Variants in ACAP2 observed in about 807,000 individuals in gnomAD.
ACAP2 encodes the protein arf-GAP with coiled-coil, ANK repeat and PH domain-containing protein 2.
Under a neutral mutation model 115.8 loss-of-function variants are expected in ACAP2, and 39 were observed. The ratio of observed to expected loss-of-function variants is 0.34; its 90% CI spans 0.26 to 0.44. The LOEUF is 0.44. ACAP2 is among the 20% of genes least tolerant of loss of function. The pLI is 1.00. For synonymous variants in ACAP2, 289 were observed against 315.8 expected (o/e 0.92, Z 0.90); for missense variants, 662 against 927.6 (o/e 0.71, Z 3.72).
At chr3:195,295,630 G>T in intron 17 of ACAP2, 78 bp downstream of exon 17, 1 of 1,472,456 alleles carries the variant, frequency 6.8e-7, no homozygotes, top group Non-Finnish European at 9.3e-7. Flanking sequence ...AAACGACAAT[G>T]GCTATTAGTT....
At chr3:195,428,128 C>T (rs1714820950) in intron 1 of ACAP2, among the ~76,000 whole-genome samples, 1 of 151,584 alleles carries the variant, frequency 6.6e-6, no homozygotes, top group Non-Finnish European at 1.5e-5. Context: ...TATGTCATAA[C>T]AACTTAATAG....
chr3:195,401,373 G>A (rs1577419183), intron 1 of ACAP2, among the ~76,000 whole-genome samples: 1 of 152,162 alleles, frequency 6.6e-6, no homozygotes, highest in African/African-American at 2.4e-5. Context: ...TGTATATTAA[G>A]AGAAGACTAG....
At chr3:195,326,651 A>ACC (rs1729815307) in intron 9 of ACAP2, 1 of 426,618 alleles carries the variant, frequency 2.3e-6, no homozygotes, top group Non-Finnish European at 4.2e-6. Context: ...TAAGAGATTC[A>ACC]AATTTTTATA....
chr3:195,350,958 CAAAAG>C (rs1731529362), intron 4 of ACAP2, among the ~76,000 whole-genome samples: 1 of 151,210 alleles, frequency 6.6e-6, no homozygotes, highest in African/African-American at 2.4e-5. Context: ...TAACAGAACA[CAAAAG>C]AAAACTACAA....
chr3:195,289,342 GATTC>G, intron 20 of ACAP2, 111 bp from the exon 21 acceptor site: 1 of 737,712 alleles, frequency 1.4e-6, no homozygotes, highest in Non-Finnish European at 2.3e-6. Context: ...GGAAATTCTT[GATTC>G]ATTCTACAAA....
chr3:195,401,910 T>G (rs1269544783), intron 1 of ACAP2, among the ~76,000 whole-genome samples: 1 of 151,982 alleles, frequency 6.6e-6, no homozygotes, highest in East Asian at 1.9e-4. Flanking sequence ...GAATACAAAT[T>G]TAAGAGCCTA....
At chr3:195,356,241 C>T (rs1417850220) in intron 4 of ACAP2, 4 of 455,138 alleles carry the variant, frequency 8.8e-6, no homozygotes, top group Non-Finnish European at 1.8e-5. Flanking sequence ...GCAGTGCTGC[C>T]AATCCCGGCA....
At chr3:195,331,122 G>A (rs1730137162) in intron 8 of ACAP2, among the ~76,000 whole-genome samples, 1 of 152,126 alleles carries the variant, frequency 6.6e-6, no homozygotes, top group Admixed American at 6.5e-5. Context: ...ATTTAGCACA[G>A]AGATTAAGAG....
chr3:195,381,164 T>C (rs1397190916), intron 3 of ACAP2, 102 bp from the exon 4 acceptor site: 3 of 787,118 alleles, frequency 3.8e-6, no homozygotes, highest in Non-Finnish European at 6.2e-6. Flanking sequence ...CAAGTTACAC[T>C]GTAAACAGTA....
Position 195,341,321 on chromosome 3 carries a change from G to GTTTTTTTTT in ACAP2, c.528+1141_528+1149dup, listed in dbSNP as rs377628235. 3.7e-5 allele frequency among the ~76,000 whole-genome samples: 4 copies of GTTTTTTTTT among 107,070 alleles called. 1 individual carries two copies. The highest frequency in any genetic ancestry group is 1.1e-4 in the African/African-American group (3 of 27,340). The allele number at this position is 107,070 out of a possible 152,430, so 70.2% of individuals were successfully genotyped here. A position where few individuals can be genotyped will look rare whatever the true frequency, so the allele number is the denominator to read the frequency against. On this transcript the variant is annotated intron_variant, in intron 6 of 22. Transcript: ENST00000326793. Reference sequence around the variant, plus strand: ...TTCGTTTGTTTGTTTTATTGTGTGGGTTTTTTTTTTTTTTTTTTTTTGAGA... The same window carrying GTTTTTTTTT: ...TTCGTTTGTTTGTTTTATTGTGTGGGTTTTTTTTTTTTTTTTTTTTTTTTTTTTTTGAGA...
chr3:195,439,706 A>C (rs915941198), intron 1 of ACAP2, among the ~76,000 whole-genome samples: 10 of 151,914 alleles, frequency 6.6e-5, no homozygotes, highest in Admixed American at 2.6e-4. Flanking sequence ...AGCTCACTAC[A>C]GCCTCTGCCT....
At chr3:195,291,377 GTACA>G (rs1355760047) in intron 20 of ACAP2, among the ~76,000 whole-genome samples, 1 of 152,132 alleles carries the variant, frequency 6.6e-6, no homozygotes, top group African/African-American at 2.4e-5. Context: ...TAATGTATAT[GTACA>G]TACATACATA....
At chr3:195,401,284 T>C (rs73208919) in intron 1 of ACAP2, among the ~76,000 whole-genome samples, 4,236 of 152,318 alleles carry the variant, frequency 0.028, 61 homozygotes, top group African/African-American at 0.04. Flanking sequence ...ATCTTATTAA[T>C]ACATAATAAA....
chr3:195,285,717 T>G (rs768265659), intron 22 of ACAP2, 79 bp downstream of exon 22: 14 of 1,181,690 alleles, frequency 1.2e-5, no homozygotes, highest in Non-Finnish European at 1.5e-5. Flanking sequence ...GAACTATGAA[T>G]CTTCCAGTTG....
At position 195,307,322 on chromosome 3, in the gene ACAP2, T is replaced by C. The variant is rs1388216467; in HGVS notation, c.911A>G (p.Asp304Gly). 1.9e-6 allele frequency: 3 copies of C among 1,603,692 alleles called. No individual in the cohort carries two copies. The highest frequency in any genetic ancestry group is 1.3e-5 in the African/African-American group (1 of 74,656). Residue 304 changes from aspartate (D) to glycine (G), a missense_variant and splice_region_variant, in exon 12 of 23, where the codon GAT becomes GGT. Around this residue, in one of 3 missense-constraint regions of ACAP2, gnomAD observed 401 missense variants for 604.4 expected, o/e 0.66. Transcript: ENST00000326793. ...GTCTTCAACTACCACAGTCGGATTA[T>C]CCTATAGTGAGGAAACCAAATTTCC... ...NQLVYQKKFK[D>G]NPTVVVEDLR...
At chr3:195,303,870 A>G (rs1427338483) in intron 13 of ACAP2, among the ~76,000 whole-genome samples, 1 of 152,168 alleles carries the variant, frequency 6.6e-6, no homozygotes, top group African/African-American at 2.4e-5. Context: ...TCTGGTTTAA[A>G]AACATTTCAG....
intron 13 of ACAP2, 60 bp downstream of exon 13, chr3:195,306,451 G>C: frequency 1.9e-6 from 2 of 1,030,600 alleles, no homozygotes; most frequent in East Asian, 2.6e-5. Flanking sequence ...ATATAACGTT[G>C]CAACTAAAAT....
At chr3:195,402,742 TCAAA>T (rs1210166562) in intron 1 of ACAP2, among the ~76,000 whole-genome samples, 1 of 152,046 alleles carries the variant, frequency 6.6e-6, no homozygotes, top group Non-Finnish European at 1.5e-5. Context: ...AAGAAAAGAA[TCAAA>T]CAAGTTATAC....
At chr3:195,367,255 A>G (rs1732791944) in intron 4 of ACAP2, among the ~76,000 whole-genome samples, 1 of 152,188 alleles carries the variant, frequency 6.6e-6, no homozygotes, top group Admixed American at 6.5e-5. Context: ...CTACAGTTCT[A>G]ACAAGTTCCC....
Sources: gnomAD v4.1 joint callset for allele counts (sites outside exome capture counted in the v4.1 genomes callset) on GRCh38, gnomAD v4.1.1 for gene constraint, gnomAD v4.1.1 regional missense constraint, MANE v1.5 for transcripts, NCBI Gene and HGNC (gene_info 2026-07-23, HGNC 2026-07-21) for gene names.